LRIG2: variants seen among roughly 807,000 people sequenced by gnomAD.
The protein encoded by LRIG2 is leucine-rich repeats and immunoglobulin-like domains protein 2.
In LRIG2, 93 loss-of-function variants were observed where a neutral mutation model predicts 107.8. The observed-to-expected ratio is 0.86, with a 90% CI of 0.73 to 1.03. The LOEUF is 1.03. Ranked by LOEUF, LRIG2 falls within the 50% of genes least tolerant of loss-of-function variation. The probability of loss-of-function intolerance (pLI) is 0.00; values close to 1 mark genes in which losing one functional copy is unlikely to be tolerated. For synonymous variants in LRIG2, 471 were observed against 470.6 expected, an observed-to-expected ratio of 1.00 and a Z score of -0.01; for missense variants, 1,226 against 1,296.0, an observed-to-expected ratio of 0.95 and a Z score of 0.83.
chr1:113,101,045 T>G (rs372611939), intron 11 of LRIG2, among the ~76,000 whole-genome samples: 1 of 152,066 alleles, frequency 6.6e-6, no homozygotes, highest in South Asian at 2.1e-4. Flanking sequence ...TGGAGGTTAG[T>G]TGGGCATTGG....
In LRIG2 at chr1:113,091,376, C is replaced by G. The variant is rs374559431; in HGVS notation, c.298C>G (p.Gln100Glu). ...WNISLESQTL[Q>E]EVKMNYNELT... ...CATCAGCTTGGAATCACAAACATTA[C>G]AGGAAGTGTAAGTTATTTTTATTTA... Residue 100 changes from glutamine (Q) to glutamate (E), a missense_variant, in exon 2 of 18, where the codon CAG becomes GAG. By Grantham distance (29) the Gln-to-Glu change is conservative. Transcript: ENST00000361127. 1 of 1,584,808 alleles carries G rather than the reference C, an allele frequency of 6.3e-7. No homozygotes were observed. Among genetic ancestry groups the G allele is most frequent in the South Asian group, 1.1e-5 (1 of 87,468 alleles).
At chr1:113,074,459 C>T (rs1473572067) in intron 1 of LRIG2, among the ~76,000 whole-genome samples, 1 of 152,116 alleles carries the variant, frequency 6.6e-6, no homozygotes, top group African/African-American at 2.4e-5. Flanking sequence ...TTGGAGGGCT[C>T]CTTAGTCTGA....
Position 113,088,251 on chromosome 1 carries a change from G to A in LRIG2, c.240-3067G>A, listed in dbSNP as rs140637332. ...ATATATCCTTTCAACAACATTTTCC[G>A]GTACAGAGGCTGCAAAGCATTTCAG... On this transcript the variant is annotated intron_variant, in intron 1 of 17. Coordinates refer to ENST00000361127, the MANE Select transcript of LRIG2 (RefSeq NM_014813.3). 8.9e-4 allele frequency among the ~76,000 whole-genome samples: 135 copies of A among 152,132 alleles called. 1 individual carries two copies. In the South Asian group the frequency reaches 0.027, roughly 30 times the overall value.
chr1:113,106,458 T>C (rs1325666574), intron 11 of LRIG2, among the ~76,000 whole-genome samples: 1 of 152,150 alleles, frequency 6.6e-6, no homozygotes, highest in African/African-American at 2.4e-5. Context: ...TTTTCAGTGC[T>C]CTTAGTTTAG....
chr1:113,098,388 A>G (rs1458245003), intron 8 of LRIG2, among the ~76,000 whole-genome samples: 1 of 152,216 alleles, frequency 6.6e-6, no homozygotes, highest in Non-Finnish European at 1.5e-5. Context: ...GACCCTGTTT[A>G]TAATTTTTAA....
chr1:113,124,469 C>T lies in LRIG2; in HGVS notation c.*368C>T. The stretch of plus-strand genomic sequence containing the variant: ...CTTCAGAATGGTCCTGAGAAAACAT[C>T]ACTACTTCGATGTTCTACTTTGCTT... On this transcript the variant is annotated 3_prime_UTR_variant, in exon 18 of 18. Coordinates refer to ENST00000361127, the MANE Select transcript of LRIG2 (RefSeq NM_014813.3). The T allele has an allele frequency of 4.2e-6, 1 of 240,858 alleles. No homozygotes were observed. Among genetic ancestry groups the T allele is most frequent in the Non-Finnish European group, 8.2e-6 (1 of 121,724 alleles). 14.9% of individuals were successfully genotyped at this position (240,858 alleles called of 1,614,324 possible).
rs1654901349 is a variant in LRIG2 at position 113,114,326 on chromosome 1, T to G, written c.2081-101T>G. 9 of 678,188 alleles carry G rather than the reference T, an allele frequency of 1.3e-5. No homozygotes were observed. In the South Asian group the frequency reaches 1.8e-4, roughly 14 times the overall value. The allele number at this position is 678,188 out of a possible 1,614,324, so 42.0% of individuals were successfully genotyped here. ...CTAATCCTCCCATGAGTATATAAAA[T>G]TACTCATTTTATTATACCCCCATTG... On this transcript the variant is annotated intron_variant, in intron 14 of 17. Transcript: ENST00000361127.
Position 113,100,431 on chromosome 1 carries a change from A to G in LRIG2, c.1256A>G (p.Asn419Ser), listed in dbSNP as rs1654256820. 3 of 1,528,936 alleles carry G rather than the reference A, an allele frequency of 2.0e-6. No homozygotes were observed. The highest frequency in any genetic ancestry group is 2.3e-5 in the East Asian group (1 of 44,338). 94.7% of individuals were successfully genotyped at this position (1,528,936 alleles called of 1,614,324 possible). The change falls in exon 11 of 18, where the codon AAT (asparagine) becomes AGT (serine). Residue 419 changes from asparagine to serine, a missense_variant. Coordinates refer to ENST00000361127, the MANE Select transcript of LRIG2 (RefSeq NM_014813.3). ...LESLEHLDLN[N>S]NAIMSIQENA... is the part of the protein sequence containing the mutation. ...TCTCTTTATTTCAGAGATTTGAACA[A>G]TAATGCTATAATGTCTATCCAAGAA...
Position 113,073,538 on chromosome 1 carries a change from C to T in LRIG2, c.132C>T (p.Pro44=), listed in dbSNP as rs759507483. 4 of 1,614,120 alleles carry T rather than the reference C, an allele frequency of 2.5e-6. No individual in the cohort carries two copies. The highest frequency in any genetic ancestry group is 1.7e-5 in the Admixed American group (1 of 60,028). ...CCGCCGCCGGAGCAGGTCTCTGCCC[C>T]GCGCCCTGCTCCTGCCGCATTCCTC... is the stretch of plus-strand genomic sequence containing the variant. The part of the protein sequence containing the change: ...LLPAAGAGLC[P]APCSCRIPLL... The change falls in exon 1 of 18, where the codon CCC becomes CCT. Residue 44 remains proline (P), a synonymous_variant. Transcript: ENST00000361127.
In LRIG2 at chr1:113,128,009, T is replaced by C. The variant is rs1397744400; in HGVS notation, c.*3908T>C. 6.6e-6 allele frequency: 1 copy of C among 152,192 alleles called. No individual in the cohort carries two copies. Among genetic ancestry groups the C allele is most frequent in the Non-Finnish European group, 1.5e-5 (1 of 68,046 alleles). 9.4% of individuals were successfully genotyped at this position (152,192 alleles called of 1,614,324 possible). On this transcript the variant is annotated 3_prime_UTR_variant, in exon 18 of 18. Transcript: ENST00000361127. ...AGATTTCCTTACACTTCCTGTCCAGTTCTCTCTTCTAAATCCAATATTACT... is the reference window on the plus strand; with the variant it reads ...AGATTTCCTTACACTTCCTGTCCAGCTCTCTCTTCTAAATCCAATATTACT...
chr1:113,083,356 T>TTG (rs1553226275), intron 1 of LRIG2, among the ~76,000 whole-genome samples: 1 of 147,966 alleles, frequency 6.8e-6, no homozygotes, highest in Non-Finnish European at 1.5e-5. Context: ...TTTTTTTTTT[T>TTG]TTTTTTTGAG....
intron 17 of LRIG2, among the ~76,000 whole-genome samples, chr1:113,123,224 C>T (rs1655334686): frequency 6.6e-6 from 1 of 152,214 alleles, no homozygotes; most frequent in South Asian, 2.1e-4. Flanking sequence ...ACTTTCATTA[C>T]AATATGGATA....
intron 11 of LRIG2, chr1:113,103,652 C>G: frequency 6.5e-6 from 1 of 154,268 alleles, no homozygotes; most frequent in South Asian, 2.0e-4. Flanking sequence ...ATCATTGGAC[C>G]CCCAGACCTC....
chr1:113,095,232 A>G (rs1383332851), intron 6 of LRIG2, among the ~76,000 whole-genome samples: 1 of 152,044 alleles, frequency 6.6e-6, no homozygotes, highest in Non-Finnish European at 1.5e-5. Context: ...TGGCCTCCCA[A>G]AGTGCTGTGA....
At chr1:113,101,240 T>C (rs1228561583) in intron 11 of LRIG2, among the ~76,000 whole-genome samples, 1 of 152,148 alleles carries the variant, frequency 6.6e-6, no homozygotes, top group Non-Finnish European at 1.5e-5. Flanking sequence ...GGCTAATGTT[T>C]GTATTTTTAG....
chr1:113,089,851 C>G (rs1487977282), intron 1 of LRIG2, among the ~76,000 whole-genome samples: 1 of 151,746 alleles, frequency 6.6e-6, no homozygotes, highest in Non-Finnish European at 1.5e-5. Context: ...TGCCACCATG[C>G]CTGGCTAATT....
chr1:113,088,906 T>G (rs564116830), intron 1 of LRIG2, among the ~76,000 whole-genome samples: 1 of 152,240 alleles, frequency 6.6e-6, no homozygotes, highest in East Asian at 1.9e-4. Flanking sequence ...TGAATTCATA[T>G]TTTTATCTTT....
intron 9 of LRIG2, 117 bp downstream of exon 9, chr1:113,098,902 T>C: frequency 1.5e-6 from 1 of 660,248 alleles, no homozygotes; most frequent in South Asian, 1.8e-5. Flanking sequence ...TCTGACACTC[T>C]GGGAGCTCTG....
At chr1:113,112,830 C>A (rs1237777024) in intron 14 of LRIG2, 70 bp downstream of exon 14, 4 of 1,416,144 alleles carry the variant, frequency 2.8e-6, no homozygotes, top group Admixed American at 2.3e-5. Flanking sequence ...TCTTAATGAG[C>A]AAGAAAAATA....
Sources: allele counts gnomAD v4.1 joint callset (sites outside exome capture counted in the v4.1 genomes callset), GRCh38; gene constraint gnomAD v4.1.1; transcripts MANE v1.5; gene names NCBI Gene and HGNC (gene_info 2026-07-23, HGNC 2026-07-21).